DCDC1: variants seen among roughly 807,000 people sequenced by gnomAD.
DCDC1 encodes doublecortin domain-containing protein 1.
Under a neutral mutation model 178.3 loss-of-function variants are expected in DCDC1, and 200 were observed. The ratio of observed to expected loss-of-function variants is 1.12; its 90% CI spans 1.00 to 1.26. The LOEUF (loss-of-function observed/expected upper bound fraction) is 1.26. Among genes scored for constraint, DCDC1 ranks in the 50% most tolerant of loss-of-function variants. The probability of loss-of-function intolerance (pLI) is 0.00; values close to 1 mark genes in which losing one functional copy is unlikely to be tolerated. For missense variants in DCDC1, 1,983 were observed against 1,749.2 expected (o/e 1.13, Z -2.38); for synonymous variants, 690 against 604.8 (o/e 1.14, Z -2.07).
intron 11 of DCDC1, among the ~76,000 whole-genome samples, chr11:31,120,397 A>C (rs1180803899): frequency 6.6e-6 from 1 of 152,136 alleles, no homozygotes; most frequent in Non-Finnish European, 1.5e-5. Context: ...GAGTTCTGGA[A>C]GTTGTCATAA....
intron 9 of DCDC1, among the ~76,000 whole-genome samples, chr11:31,208,597 A>G (rs1972134389): frequency 6.6e-6 from 1 of 152,082 alleles, no homozygotes; most frequent in South Asian, 2.1e-4. Context: ...AAACTCCTCA[A>G]TACTTTCCAA....
chr11:31,298,023 A>T (rs1409973562), intron 6 of DCDC1, among the ~76,000 whole-genome samples: 1 of 152,198 alleles, frequency 6.6e-6, no homozygotes, highest in Non-Finnish European at 1.5e-5. Context: ...TCTCACAGAC[A>T]TGTATCCTTA....
At chr11:30,873,358 T>TAGAGAGAGAGAGAGAGAG (rs1185841948) in intron 38 of DCDC1, among the ~76,000 whole-genome samples, 2 of 138,060 alleles carry the variant, frequency 1.4e-5, no homozygotes, top group African/African-American at 2.9e-5. Context: ...TATATATATA[T>TAGAGAGAGAGAGAGAGAG]ATATATAGAG....
intron 9 of DCDC1, among the ~76,000 whole-genome samples, chr11:31,146,284 C>T (rs1280640563): frequency 3.3e-5 from 5 of 151,998 alleles, no homozygotes; most frequent in African/African-American, 7.3e-5. Flanking sequence ...TGGGGTTTCA[C>T]CATGTTGGCC....
At chr11:31,059,224 G>T (rs758740331) in intron 20 of DCDC1, among the ~76,000 whole-genome samples, 16 of 151,962 alleles carry the variant, frequency 1.1e-4, no homozygotes, top group South Asian at 6.2e-4. Flanking sequence ...CTTGATTTTT[G>T]ACTTTGTTTC....
intron 16 of DCDC1, among the ~76,000 whole-genome samples, chr11:31,091,904 T>C (rs1957844818): frequency 6.6e-6 from 1 of 152,138 alleles, no homozygotes; most frequent in South Asian, 2.1e-4. Context: ...CTGAAACAAA[T>C]CCTTAACCTT....
intron 20 of DCDC1, among the ~76,000 whole-genome samples, chr11:30,985,005 T>C (rs558891916): frequency 6.6e-6 from 1 of 152,320 alleles, no homozygotes; most frequent in African/African-American, 2.4e-5. Flanking sequence ...GCCACAATCT[T>C]TTCCACAGAG....
At chr11:30,941,368 T>G (rs1005914226) in intron 21 of DCDC1, among the ~76,000 whole-genome samples, 2 of 152,168 alleles carry the variant, frequency 1.3e-5, no homozygotes, top group African/African-American at 4.8e-5. Flanking sequence ...TGGAAGGCCC[T>G]GCATGATCAG....
chr11:31,074,747 G>T (rs1306899832), intron 18 of DCDC1, among the ~76,000 whole-genome samples: 1 of 152,198 alleles, frequency 6.6e-6, no homozygotes, highest in Non-Finnish European at 1.5e-5. Context: ...GCTTAAAAAT[G>T]TGGAAGTAGC....
At chr11:30,884,616 T>C (rs974993986) in intron 36 of DCDC1, among the ~76,000 whole-genome samples, 2 of 152,012 alleles carry the variant, frequency 1.3e-5, no homozygotes, top group African/African-American at 4.8e-5. Context: ...AATAGGCATT[T>C]TGAAAATACA....
chr11:30,870,328 T>C (rs1337837977), intron 38 of DCDC1, among the ~76,000 whole-genome samples: 1 of 152,120 alleles, frequency 6.6e-6, no homozygotes, highest in Non-Finnish European at 1.5e-5. Flanking sequence ...CTGGGTGTTA[T>C]CTAATGGATA....
At chr11:31,315,593 C>T (rs958653702) in intron 3 of DCDC1, among the ~76,000 whole-genome samples, 2 of 150,908 alleles carry the variant, frequency 1.3e-5, no homozygotes, top group African/African-American at 4.9e-5. Flanking sequence ...ACCTGGGCCT[C>T]CCAAATTGCT....
At chr11:31,108,353 C>T (rs1342329747) in intron 12 of DCDC1, among the ~76,000 whole-genome samples, 3 of 152,054 alleles carry the variant, frequency 2.0e-5, no homozygotes, top group East Asian at 3.9e-4. Flanking sequence ...ATCTATATTG[C>T]CTTGGTTATT....
intron 21 of DCDC1, among the ~76,000 whole-genome samples, chr11:30,941,461 C>T (rs1449630841): frequency 6.6e-6 from 1 of 152,164 alleles, no homozygotes; most frequent in Non-Finnish European, 1.5e-5. Context: ...ACCTCAATGT[C>T]CCTTAAACAC....
chr11:31,188,823 G>A (rs868327479), intron 9 of DCDC1, among the ~76,000 whole-genome samples: 2 of 152,202 alleles, frequency 1.3e-5, no homozygotes, highest in South Asian at 4.1e-4. Flanking sequence ...GAAAATGTGT[G>A]TGTCCCTGCA....
At chr11:31,253,543 G>T (rs1327024311) in intron 8 of DCDC1, among the ~76,000 whole-genome samples, 2 of 151,840 alleles carry the variant, frequency 1.3e-5, no homozygotes, top group Admixed American at 6.6e-5. Flanking sequence ...CAATTTTATG[G>T]TTTATGATAC....
chr11:30,986,418 C>T (rs543905266), intron 20 of DCDC1, among the ~76,000 whole-genome samples: 3 of 151,644 alleles, frequency 2.0e-5, no homozygotes, highest in Non-Finnish European at 2.9e-5. Flanking sequence ...CTGTAAGCTC[C>T]GCCTCCTGGG....
At chr11:31,267,331 C>G (rs924383420) in intron 7 of DCDC1, among the ~76,000 whole-genome samples, 1 of 152,028 alleles carries the variant, frequency 6.6e-6, no homozygotes, top group African/African-American at 2.4e-5. Flanking sequence ...GCTGGGATTA[C>G]AGGCATGCGC....
intron 9 of DCDC1, among the ~76,000 whole-genome samples, chr11:31,210,723 A>G (rs908520619): frequency 4.6e-5 from 7 of 151,868 alleles, no homozygotes; most frequent in African/African-American, 9.7e-5. Context: ...AAAAAAAAAA[A>G]AAAGAAAGAA....
Sources: gnomAD v4.1 joint callset for allele counts (sites outside exome capture counted in the v4.1 genomes callset) on GRCh38, gnomAD v4.1.1 for gene constraint, MANE v1.5 for transcripts, NCBI Gene and HGNC (gene_info 2026-07-23, HGNC 2026-07-21) for gene names.